The following CDC14B variants were observed in gnomAD, a reference collection of about 807,000 sequenced individuals.
CDC14B encodes cell division cycle 14B.
A neutral mutation model predicts 64.2 loss-of-function variants in CDC14B; 22 were observed. That is an observed-to-expected ratio of 0.34 (90% CI 0.24 to 0.49). The LOEUF (loss-of-function observed/expected upper bound fraction) is 0.49, where lower values mean the gene tolerates loss of function less well. Ranked by LOEUF, CDC14B falls within the 20% of genes least tolerant of loss-of-function variation. The probability of loss-of-function intolerance (pLI) is 0.99; values close to 1 mark genes in which losing one functional copy is unlikely to be tolerated. For synonymous variants in CDC14B, 191 were observed against 215.8 expected, an observed-to-expected ratio of 0.89 and a Z score of 1.01; for missense variants, 498 against 629.9, an observed-to-expected ratio of 0.79 and a Z score of 2.24.
At chr9:96,533,059 C>T (rs998427997) in intron 9 of CDC14B, among the ~76,000 whole-genome samples, 13 of 152,066 alleles carry the variant, frequency 8.5e-5, no homozygotes, top group Admixed American at 6.6e-4. Context: ...CTCTGCCTTC[C>T]GGGTTCAAGT....
intron 1 of CDC14B, among the ~76,000 whole-genome samples, chr9:96,606,042 A>G (rs1407872360): frequency 6.6e-6 from 1 of 151,870 alleles, no homozygotes; most frequent in East Asian, 1.9e-4. Context: ...ATATTAAAAT[A>G]ATATTTGCTG....
rs1290293176 is a variant in CDC14B, at chr9:96,548,911, A to AT, written c.497+2884dup. ...AACTTATTTGCTATAAATGAATGCC[A>AT]TTCTTGCACAACGTCGTGTTAGCAA... is the stretch of plus-strand genomic sequence containing the variant. On this transcript the variant is annotated intron_variant, in intron 5 of 13. Transcript: ENST00000375241. Among the ~76,000 whole-genome samples, 4 of 152,204 alleles carry AT rather than the reference A, an allele frequency of 2.6e-5. No homozygotes were observed. In the East Asian group the frequency reaches 7.7e-4, roughly 29 times the overall value.
chr9:96,546,041 A>C (rs1467532503), intron 5 of CDC14B, among the ~76,000 whole-genome samples: 1 of 152,232 alleles, frequency 6.6e-6, no homozygotes, highest in African/African-American at 2.4e-5. Flanking sequence ...CGTAAGAATC[A>C]ATAAATGGGC....
chr9:96,494,697 TTTTC>T (rs10570858), intron 13 of CDC14B, among the ~76,000 whole-genome samples: 27,484 of 150,714 alleles, frequency 0.18, 2,745 homozygotes, highest in African/African-American at 0.24. Context: ...CTGAGCACTC[TTTTC>T]TTTCTTTCTT....
At chr9:96,578,333 C>T (rs775475788) in intron 1 of CDC14B, among the ~76,000 whole-genome samples, 2 of 152,210 alleles carry the variant, frequency 1.3e-5, no homozygotes, top group Non-Finnish European at 2.9e-5. Context: ...TGCTTAACCC[C>T]TCCTTAGTCC....
chr9:96,558,925 C>T (rs1296602405), intron 4 of CDC14B, among the ~76,000 whole-genome samples: 1 of 152,128 alleles, frequency 6.6e-6, no homozygotes, highest in Non-Finnish European at 1.5e-5. Context: ...TAATTTGATA[C>T]CAAAGAGTCT....
chr9:96,608,892 G>GAC (rs59953256), intron 1 of CDC14B, among the ~76,000 whole-genome samples: 1,541 of 144,638 alleles, frequency 0.011, 13 homozygotes, highest in South Asian at 0.027. Flanking sequence ...TTAAAACACA[G>GAC]ACACACACAC....
chr9:96,522,288 C>T (rs1201446436), intron 12 of CDC14B, among the ~76,000 whole-genome samples: 2 of 152,186 alleles, frequency 1.3e-5, no homozygotes, highest in African/African-American at 4.8e-5. Context: ...CCTGATGTCG[C>T]CTTCCCACCC....
chr9:96,524,974 C>A (rs1448825270), intron 9 of CDC14B, among the ~76,000 whole-genome samples: 1 of 152,166 alleles, frequency 6.6e-6, no homozygotes, highest in Non-Finnish European at 1.5e-5. Context: ...GACAACCTTG[C>A]ATATTTAGCA....
Position 96,503,718 on chromosome 9 carries a change from A to G in CDC14B, c.*35T>C. The G allele has an allele frequency of 6.3e-7, 1 of 1,597,878 alleles. No homozygotes were observed. Among genetic ancestry groups the G allele is most frequent in the Non-Finnish European group, 8.6e-7 (1 of 1,165,850 alleles). ...AATTTCTGTTGCAGTTTTCAGTCCTAGAGTCTTCCTTCAGCTCTGGTCACA... is the reference window on the plus strand; with the variant it reads ...AATTTCTGTTGCAGTTTTCAGTCCTGGAGTCTTCCTTCAGCTCTGGTCACA... On this transcript the variant is annotated 3_prime_UTR_variant, in exon 14 of 14. Transcript: ENST00000375241.
intron 1 of CDC14B, chr9:96,566,619 AGCCTGGGGACAAGT>A: frequency 1.4e-6 from 1 of 732,064 alleles, no homozygotes; most frequent in Non-Finnish European, 2.3e-6. Context: ...TGTAGCCCAG[AGCCTGGGGACAAGT>A]GCCGAGGCCA....
chr9:96,536,072 G>C (rs1188609609), intron 7 of CDC14B, among the ~76,000 whole-genome samples: 1 of 152,214 alleles, frequency 6.6e-6, no homozygotes, highest in Non-Finnish European at 1.5e-5. Context: ...CATTAATTAA[G>C]ATACATCCTG....
intron 7 of CDC14B, among the ~76,000 whole-genome samples, chr9:96,537,817 G>A (rs1244429259): frequency 6.6e-6 from 1 of 152,046 alleles, no homozygotes; most frequent in Non-Finnish European, 1.5e-5. Context: ...CTGCCTCCCG[G>A]GTTCAAGTGA....
chr9:96,587,052 A>G (rs915788812), intron 1 of CDC14B, among the ~76,000 whole-genome samples: 1 of 152,122 alleles, frequency 6.6e-6, no homozygotes, highest in African/African-American at 2.4e-5. Context: ...GTGTGCCTGT[A>G]ATTCCAGCTA....
intron 1 of CDC14B, among the ~76,000 whole-genome samples, chr9:96,600,939 T>C (rs965951473): frequency 1.3e-5 from 2 of 152,118 alleles, no homozygotes; most frequent in African/African-American, 4.8e-5. Context: ...AGAGGATACA[T>C]AAGGAAACAG....
At chr9:96,618,635 G>A (rs534553569) in intron 1 of CDC14B, 65 of 528,504 alleles carry the variant, frequency 1.2e-4, no homozygotes, top group South Asian at 8.8e-4. Context: ...GCGTTCGGGG[G>A]GCGCGCTAGG....
chr9:96,567,704 G>A (rs1259946009), intron 1 of CDC14B, among the ~76,000 whole-genome samples: 1 of 152,092 alleles, frequency 6.6e-6, no homozygotes, highest in African/African-American at 2.4e-5. Context: ...GGGGTAATGG[G>A]CACAAAAAAA....
chr9:96,579,396 G>A (rs1845001578), intron 1 of CDC14B, among the ~76,000 whole-genome samples: 2 of 151,844 alleles, frequency 1.3e-5, no homozygotes, highest in African/African-American at 4.8e-5. Flanking sequence ...GACCATCCTG[G>A]CTAACACAGT....
intron 1 of CDC14B, among the ~76,000 whole-genome samples, chr9:96,609,588 G>A (rs1477727001): frequency 1.3e-5 from 2 of 152,062 alleles, no homozygotes; most frequent in East Asian, 1.9e-4. Context: ...GATAATAAAT[G>A]AGCAAAACGC....
Sources: gnomAD v4.1 joint callset for allele counts (sites outside exome capture counted in the v4.1 genomes callset) on GRCh38, gnomAD v4.1.1 for gene constraint, MANE v1.5 for transcripts, NCBI Gene and HGNC (gene_info 2026-07-23, HGNC 2026-07-21) for gene names.